The following ZFAT variants were observed in gnomAD, a reference collection of about 807,000 sequenced individuals.
ZFAT encodes the protein zinc finger and AT-hook domain containing.
In ZFAT, 64 loss-of-function variants were observed where a neutral mutation model predicts 117.7. The observed-to-expected ratio is 0.54, with a 90% CI of 0.44 to 0.67. The LOEUF (loss-of-function observed/expected upper bound fraction) is 0.67, where lower values mean the gene tolerates loss of function less well. ZFAT is among the 30% of genes least tolerant of loss of function. ZFAT has a pLI of 0.00. For missense variants in ZFAT, 1,433 were observed against 1,584.5 expected, an observed-to-expected ratio of 0.90 and a Z score of 1.62; for synonymous variants, 679 against 615.0, an observed-to-expected ratio of 1.10 and a Z score of -1.54.
chr8:134,770,537 AC>A, the ZFAT span, among the ~76,000 whole-genome samples: 1 of 152,178 alleles, frequency 6.6e-6, no homozygotes, highest in Non-Finnish European at 1.5e-5. Context: ...TTGCCTCAGG[AC>A]CATGTGATAA....
intron 11 of ZFAT, among the ~76,000 whole-genome samples, chr8:134,561,946 GTAAA>G (rs1824083859): frequency 6.6e-6 from 1 of 152,146 alleles, no homozygotes; most frequent in South Asian, 2.1e-4. Context: ...CCCGGAACCC[GTAAA>G]TATGTTACCT....
chr8:134,578,429 A>C lies in ZFAT; in HGVS notation c.2887+5403T>G, dbSNP rs866259557. Among the ~76,000 whole-genome samples the C allele has an allele frequency of 1.8e-3, 267 of 151,662 alleles. 1 individual carries two copies. The highest frequency in any genetic ancestry group is 6.8e-3 in the Middle Eastern group (2 of 294). ...TCTGTCTCAAAAAAAAAAAAAAAAA[A>C]AAGGAATGAATACAATATGTGTGGA... On this transcript the variant is annotated intron_variant, in intron 10 of 15. Transcript: ENST00000377838.
chr8:134,805,409 T>G, the ZFAT span, among the ~76,000 whole-genome samples: 2 of 152,082 alleles, frequency 1.3e-5, no homozygotes, highest in Non-Finnish European at 2.9e-5. Flanking sequence ...ATGAATAGAG[T>G]GGGTTTTCCT....
At chr8:134,756,495 T>A in the ZFAT span, among the ~76,000 whole-genome samples, 75 of 152,216 alleles carry the variant, frequency 4.9e-4, no homozygotes, top group Non-Finnish European at 9.1e-4. Context: ...TCCAGCACGG[T>A]GCTGTTTCCT....
At chr8:134,671,088 C>A (rs966979327) in intron 1 of ZFAT, among the ~76,000 whole-genome samples, 10 of 152,110 alleles carry the variant, frequency 6.6e-5, no homozygotes, top group South Asian at 2.1e-4. Flanking sequence ...CAATAACAGG[C>A]TCTGAAATTG....
At chr8:134,743,533 T>C in the ZFAT span, among the ~76,000 whole-genome samples, 1 of 151,934 alleles carries the variant, frequency 6.6e-6, no homozygotes, top group African/African-American at 2.4e-5. Flanking sequence ...AAGGAAAATG[T>C]CATTATACTT....
At chr8:134,806,146 C>T in the ZFAT span, among the ~76,000 whole-genome samples, 2 of 152,094 alleles carry the variant, frequency 1.3e-5, no homozygotes, top group African/African-American at 4.8e-5. Flanking sequence ...ACACACTCTA[C>T]AGAATAACTA....
intron 7 of ZFAT, among the ~76,000 whole-genome samples, chr8:134,593,780 T>C (rs1246507249): frequency 6.6e-6 from 1 of 152,230 alleles, no homozygotes; most frequent in Non-Finnish European, 1.5e-5. Context: ...GCCACAGTTA[T>C]GGCATGTGCT....
intron 10 of ZFAT, among the ~76,000 whole-genome samples, chr8:134,582,202 C>T (rs992097474): frequency 6.6e-6 from 1 of 152,198 alleles, no homozygotes; most frequent in African/African-American, 2.4e-5. Context: ...CTCACACCGA[C>T]CCCATCCCTC....
intron 10 of ZFAT, among the ~76,000 whole-genome samples, chr8:134,581,286 G>A (rs763327202): frequency 7.2e-5 from 11 of 152,038 alleles, no homozygotes; most frequent in African/African-American, 9.7e-5. Flanking sequence ...ACTGGTAAGC[G>A]TCAAAAGAGA....
chr8:134,703,486 C>A (rs184283808), intron 1 of ZFAT, among the ~76,000 whole-genome samples: 1 of 152,198 alleles, frequency 6.6e-6, no homozygotes, highest in Non-Finnish European at 1.5e-5. Context: ...GGCCATTGCA[C>A]GCAGCCCAGA....
rs569672964 is a variant in ZFAT at position 134,684,757 on chromosome 8, A to G, written c.20-27020T>C. Among the ~76,000 whole-genome samples, 184 of 152,270 alleles carry G rather than the reference A, an allele frequency of 1.2e-3. 1 individual carries two copies. Among genetic ancestry groups the G allele is most frequent in the African/African-American group, 4.2e-3 (173 of 41,502 alleles). ...GTGGGGAAAAGGCATTCTTGGCACA[A>G]AAGTTTCATTCATTGCAACGAGAAA... On this transcript the variant is annotated intron_variant, in intron 1 of 15. Transcript: ENST00000377838.
chr8:134,696,434 G>A (rs916799961), intron 1 of ZFAT: 10 of 985,464 alleles, frequency 1.0e-5, no homozygotes, highest in African/African-American at 3.5e-5. Flanking sequence ...GAATTACCTC[G>A]TAAACCTCCA....
At chr8:134,752,604 A>G in the ZFAT span, among the ~76,000 whole-genome samples, 1 of 152,206 alleles carries the variant, frequency 6.6e-6, no homozygotes, top group Non-Finnish European at 1.5e-5. Flanking sequence ...CTAAAACAAA[A>G]TCCCACAGAC....
chr8:134,684,955 T>C (rs991602319), intron 1 of ZFAT, among the ~76,000 whole-genome samples: 1 of 152,136 alleles, frequency 6.6e-6, no homozygotes, highest in Non-Finnish European at 1.5e-5. Context: ...TCTAGGAGTT[T>C]CCACGTGTCA....
chr8:134,822,063 G>A, the ZFAT span, among the ~76,000 whole-genome samples: 1 of 152,046 alleles, frequency 6.6e-6, no homozygotes, highest in Admixed American at 6.5e-5. Context: ...AATCAAAATT[G>A]TATTTATTCT....
intron 11 of ZFAT, among the ~76,000 whole-genome samples, chr8:134,534,673 G>C (rs887425317): frequency 2.1e-4 from 31 of 148,726 alleles, no homozygotes; most frequent in Non-Finnish European, 1.0e-4. Context: ...CAAGAAGAGA[G>C]AGGAGGAGAG....
chr8:134,657,441 A>G, intron 2 of ZFAT, 120 bp downstream of exon 2: 1 of 1,023,108 alleles, frequency 9.8e-7, no homozygotes, highest in East Asian at 2.5e-5. Flanking sequence ...ACAATTGGAG[A>G]CTTATTGTGA....
chr8:134,566,092 C>G (rs1824439619), intron 10 of ZFAT, among the ~76,000 whole-genome samples: 1 of 152,104 alleles, frequency 6.6e-6, no homozygotes, highest in Non-Finnish European at 1.5e-5. Flanking sequence ...AACCACTGGT[C>G]TTAAAAAGAT....
Sources: gnomAD v4.1 joint callset for allele counts (sites outside exome capture counted in the v4.1 genomes callset) on GRCh38, gnomAD v4.1.1 for gene constraint, MANE v1.5 for transcripts, NCBI Gene and HGNC (gene_info 2026-07-23, HGNC 2026-07-21) for gene names.